Variants in VWA3B observed in about 807,000 individuals in gnomAD.
VWA3B encodes von Willebrand factor A domain-containing protein 3B.
A neutral mutation model predicts 158.3 loss-of-function variants in VWA3B; 138 were observed. The observed-to-expected ratio is 0.87, with a 90% confidence interval of 0.76 to 1.00. The LOEUF (loss-of-function observed/expected upper bound fraction) is 1.00. Among genes scored for constraint, VWA3B ranks in the 50% least tolerant of loss-of-function variants. The probability of loss-of-function intolerance (pLI) is 0.00; values close to 1 mark genes in which losing one functional copy is unlikely to be tolerated. For missense variants in VWA3B, 1,555 were observed against 1,565.1 expected (o/e 0.99, Z 0.11); for synonymous variants, 596 against 587.3 (o/e 1.01, Z -0.21).
rs150302730 is a variant in VWA3B, at chr2:98,179,217, A to C, written c.1115-1799A>C. 1.5e-5 allele frequency: 7 copies of C among 470,734 alleles called. No individual in the cohort carries two copies. The East Asian group carries it at 4.2e-4, about 28-fold the overall frequency. The allele number at this position is 470,734 out of a possible 1,614,324, so 29.2% of individuals were successfully genotyped here. A position where few individuals can be genotyped will look rare whatever the true frequency, so the allele number is the denominator to read the frequency against. ...AGTTCCTCACCCCTCCTTTGTGTCC[A>C]CCCCTGAGTAGCTCATTCTCCCTTA... is the stretch of plus-strand genomic sequence containing the variant. On this transcript the variant is annotated intron_variant, in intron 8 of 27. Transcript: ENST00000477737.
intron 19 of VWA3B, among the ~76,000 whole-genome samples, chr2:98,244,338 CA>C (rs1416613878): frequency 7.9e-5 from 12 of 152,152 alleles, no homozygotes; most frequent in Admixed American, 7.2e-4. Flanking sequence ...ACAGTAAAAA[CA>C]AAAAACATCA....
At chr2:98,158,721 G>C (rs1678313934) in intron 7 of VWA3B, among the ~76,000 whole-genome samples, 1 of 143,244 alleles carries the variant, frequency 7.0e-6, no homozygotes, top group African/African-American at 2.5e-5. Flanking sequence ...GGGGGTGGTG[G>C]AGTCAAGACT....
rs1243096750 is a variant in VWA3B, at chr2:98,194,358, T to C, written c.1606-3T>C. The C allele has an allele frequency of 1.2e-6, 2 of 1,613,452 alleles. No homozygotes were observed. Among genetic ancestry groups the C allele is most frequent in the Admixed American group, 3.3e-5 (2 of 60,014 alleles). On this transcript the variant is annotated splice_region_variant and splice_polypyrimidine_tract_variant and intron_variant, in intron 11 of 27. Coordinates refer to ENST00000477737, the MANE Select transcript of VWA3B (RefSeq NM_144992.5). ...ATGGTTAAATAATCATTGTCTCTTT[T>C]AGGAACAGCTGAAATATAAAAGTAA...
intron 19 of VWA3B, among the ~76,000 whole-genome samples, chr2:98,237,108 C>T (rs925285192): frequency 2.6e-5 from 4 of 152,208 alleles, no homozygotes; most frequent in Non-Finnish European, 5.9e-5. Flanking sequence ...CCTGAGACAT[C>T]GAGGCTGCAG....
intron 9 of VWA3B, among the ~76,000 whole-genome samples, chr2:98,186,076 G>T (rs183016163): frequency 6.6e-6 from 1 of 151,018 alleles, no homozygotes; most frequent in East Asian, 1.9e-4. Context: ...AGGGATCTCT[G>T]AATTGCTAAA....
intron 25 of VWA3B, among the ~76,000 whole-genome samples, chr2:98,301,292 A>G (rs1325035970): frequency 1.3e-5 from 2 of 152,064 alleles, no homozygotes; most frequent in East Asian, 3.8e-4. Context: ...TGTCTCAAAA[A>G]AAAACAAAAA....
At chr2:98,173,787 G>A (rs987339866) in intron 8 of VWA3B, among the ~76,000 whole-genome samples, 2 of 152,128 alleles carry the variant, frequency 1.3e-5, no homozygotes, top group Non-Finnish European at 2.9e-5. Context: ...CCAACACTGT[G>A]AAATCCCATC....
chr2:98,142,929 A>G (rs1676892901), intron 7 of VWA3B, among the ~76,000 whole-genome samples: 1 of 152,206 alleles, frequency 6.6e-6, no homozygotes, highest in Non-Finnish European at 1.5e-5. Context: ...AGTACAATAC[A>G]CACTAGATTC....
chr2:98,272,665 C>T (rs1003568255), intron 22 of VWA3B, among the ~76,000 whole-genome samples: 3 of 152,128 alleles, frequency 2.0e-5, no homozygotes, highest in African/African-American at 7.2e-5. Context: ...ACACAAAGAA[C>T]AGTACTTCAG....
At chr2:98,139,016 C>T (rs1226208095) in intron 7 of VWA3B, among the ~76,000 whole-genome samples, 2 of 152,194 alleles carry the variant, frequency 1.3e-5, no homozygotes, top group Non-Finnish European at 2.9e-5. Context: ...GAGGCACGAG[C>T]GGGAGCCGGG....
intron 25 of VWA3B, among the ~76,000 whole-genome samples, chr2:98,303,016 A>C (rs113518252): frequency 6.6e-6 from 1 of 152,206 alleles, no homozygotes; most frequent in African/African-American, 2.4e-5. Context: ...ATAGCAGTAG[A>C]GAAACATCTG....
chr2:98,092,290 G>T (rs1345407792), intron 1 of VWA3B, among the ~76,000 whole-genome samples: 1 of 152,228 alleles, frequency 6.6e-6, no homozygotes. Context: ...TGTAGTGAAG[G>T]TTCTGGGGCT....
At chr2:98,250,497 C>A in intron 20 of VWA3B, 61 bp downstream of exon 20, 4 of 1,242,772 alleles carry the variant, frequency 3.2e-6, no homozygotes, top group Non-Finnish European at 4.5e-6. Context: ...GAGAAGGAGA[C>A]TTCTCTTGTT....
intron 12 of VWA3B, among the ~76,000 whole-genome samples, chr2:98,210,693 T>G (rs7603439): frequency 0.89 from 134,974 of 152,146 alleles, 60,101 homozygotes; most frequent in East Asian, 0.97. Flanking sequence ...CTGGATGTGT[T>G]CTGGATCTTT....
At chr2:98,213,134 G>A (rs1347598154) in intron 13 of VWA3B, among the ~76,000 whole-genome samples, 5 of 152,224 alleles carry the variant, frequency 3.3e-5, no homozygotes, top group Admixed American at 3.3e-4. Flanking sequence ...TGGAACAGAA[G>A]ACACTGTTGA....
intron 7 of VWA3B, among the ~76,000 whole-genome samples, chr2:98,141,077 C>T (rs1007850548): frequency 2.0e-5 from 3 of 152,204 alleles, no homozygotes; most frequent in African/African-American, 7.2e-5. Context: ...CTTCCGGAAG[C>T]CTTTTAAACA....
intron 26 of VWA3B, among the ~76,000 whole-genome samples, chr2:98,305,341 C>T (rs1690457098): frequency 6.6e-6 from 1 of 152,158 alleles, no homozygotes; most frequent in African/African-American, 2.4e-5. Context: ...TTGCAAGGTG[C>T]AGCCATGATG....
chr2:98,202,999 A>G (rs1305320445), intron 12 of VWA3B, among the ~76,000 whole-genome samples: 1 of 151,982 alleles, frequency 6.6e-6, no homozygotes, highest in African/African-American at 2.4e-5. Context: ...TGCCTGGCTA[A>G]TTTTTGTGTT....
At chr2:98,157,083 A>G (rs1453618153) in intron 7 of VWA3B, among the ~76,000 whole-genome samples, 1 of 152,204 alleles carries the variant, frequency 6.6e-6, no homozygotes, top group Non-Finnish European at 1.5e-5. Context: ...AGACTGCATT[A>G]CATTTGCATT....
Sources: gnomAD v4.1 joint callset for allele counts (sites outside exome capture counted in the v4.1 genomes callset) on GRCh38, gnomAD v4.1.1 for gene constraint, MANE v1.5 for transcripts, NCBI Gene and HGNC (gene_info 2026-07-23, HGNC 2026-07-21) for gene names.